The following ATL2 variants were observed in gnomAD, a reference collection of about 807,000 sequenced individuals.
ATL2 encodes the protein atlastin-2.
Under a neutral mutation model 73.9 loss-of-function variants are expected in ATL2, and 31 were observed. The observed-to-expected ratio is 0.42, with a 90% CI of 0.32 to 0.57. The LOEUF (loss-of-function observed/expected upper bound fraction) is 0.57. Among genes scored for constraint, ATL2 ranks in the 20% least tolerant of loss-of-function variants. The pLI is 0.14. For synonymous variants in ATL2, 291 were observed against 237.5 expected (o/e 1.23, Z -2.07); for missense variants, 738 against 702.6 (o/e 1.05, Z -0.57).
intron 2 of ATL2, among the ~76,000 whole-genome samples, chr2:38,338,021 C>G (rs1472613053): frequency 6.6e-6 from 1 of 152,112 alleles, no homozygotes; most frequent in Non-Finnish European, 1.5e-5. Flanking sequence ...TCCTAGATTT[C>G]AAACTACAAC....
At chr2:38,304,607 C>A (rs1001843603) in intron 9 of ATL2, among the ~76,000 whole-genome samples, 3 of 152,084 alleles carry the variant, frequency 2.0e-5, no homozygotes. Context: ...CAGACATAGA[C>A]GGTATACTAT....
At chr2:38,318,718 A>C in intron 3 of ATL2, 79 bp from the exon 4 acceptor site, 1 of 1,369,652 alleles carries the variant, frequency 7.3e-7, no homozygotes, top group Non-Finnish European at 1.0e-6. Flanking sequence ...GATAAATTTG[A>C]AAAGCAGTAA....
chr2:38,378,044 T>G (rs1672084787), upstream of ATL2, among the ~76,000 whole-genome samples: 1 of 152,234 alleles, frequency 6.6e-6, no homozygotes, highest in South Asian at 2.1e-4. Context: ...AACCTTCTTC[T>G]GGGGATCCAG....
chr2:38,300,284 C>T lies in ATL2; in HGVS notation c.1116G>A (p.Lys372=), dbSNP rs751453943. 1.9e-6 allele frequency: 3 copies of T among 1,604,338 alleles called. No homozygotes were observed. Among genetic ancestry groups the T allele is most frequent in the Non-Finnish European group, 2.6e-6 (3 of 1,171,822 alleles). The change falls in exon 10 of 13, where the codon AAG becomes AAA. Residue 372 remains lysine (K), a synonymous_variant. Coordinates refer to ENST00000378954, the MANE Select transcript of ATL2 (RefSeq NM_001135673.4). Reference sequence around the variant, plus strand: ...TCTCTCTCTCTACCTGAAGCATGGACTTTGGATGTGGAAGTTCTTCTCCTT... The same window carrying T: ...TCTCTCTCTCTACCTGAAGCATGGATTTTGGATGTGGAAGTTCTTCTCCTT... ...IYQGEELPHP[K]SMLQATAEAN... is the part of the protein sequence containing the mutation.
chr2:38,378,281 A>G (rs1045742790), upstream of ATL2, among the ~76,000 whole-genome samples: 4 of 152,216 alleles, frequency 2.6e-5, no homozygotes, highest in African/African-American at 9.6e-5. Context: ...CACTGGTGTT[A>G]TTAAAGCTTT....
upstream of ATL2, among the ~76,000 whole-genome samples, chr2:38,378,280 T>C (rs948726816): frequency 6.6e-6 from 1 of 152,218 alleles, no homozygotes. Flanking sequence ...GCACTGGTGT[T>C]ATTAAAGCTT....
intron 2 of ATL2, among the ~76,000 whole-genome samples, chr2:38,321,823 C>CTTTG (rs1558407457): frequency 6.6e-6 from 1 of 152,148 alleles, no homozygotes; most frequent in Non-Finnish European, 1.5e-5. Context: ...AAGGATCCTC[C>CTTTG]TACCTCAGCC....
At chr2:38,337,585 A>C (rs1027460284) in intron 2 of ATL2, among the ~76,000 whole-genome samples, 1 of 148,880 alleles carries the variant, frequency 6.7e-6, no homozygotes, top group South Asian at 2.1e-4. Context: ...TTATTTCTAT[A>C]TTATTGTAAT....
intron 4 of ATL2, among the ~76,000 whole-genome samples, chr2:38,316,132 GAA>G (rs1668014309): frequency 6.6e-6 from 1 of 152,196 alleles, no homozygotes; most frequent in South Asian, 2.1e-4. Flanking sequence ...GGGTGACTCC[GAA>G]GAGAGAACAA....
Position 38,313,295 on chromosome 2 carries a change from G to A in ATL2, c.712-52C>T, listed in dbSNP as rs1021313796. 1.9e-5 allele frequency: 25 copies of A among 1,346,312 alleles called. 1 individual carries two copies. In the African/African-American group the frequency reaches 2.2e-4, roughly 12 times the overall value. 83.4% of individuals were successfully genotyped at this position (1,346,312 alleles called of 1,614,324 possible). ...TTATTTTACAATAAAGAAAATTTAC[G>A]AAAAAATCACAACTCTTAACAATTG... On this transcript the variant is annotated intron_variant, in intron 6 of 12. Transcript: ENST00000378954.
rs189239700 is a variant in ATL2, at chr2:38,297,507, G to A, written c.1632+637C>T. 2.7e-3 allele frequency among the ~76,000 whole-genome samples: 418 copies of A among 152,320 alleles called. 5 individuals carry two copies. The highest frequency in any genetic ancestry group is 3.0e-3 in the Non-Finnish European group (203 of 68,036). The stretch of plus-strand genomic sequence containing the variant: ...GGCTTTCCTTAGCAGATACTTGCAG[G>A]CAAGAGTTCACAGCCTGGGGCTTTG... On this transcript the variant is annotated intron_variant, in intron 12 of 12. Coordinates refer to ENST00000378954, the MANE Select transcript of ATL2 (RefSeq NM_001135673.4).
chr2:38,370,832 T>C lies in ATL2; in HGVS notation c.118+6311A>G, dbSNP rs369614940. 1.2e-4 allele frequency among the ~76,000 whole-genome samples: 18 copies of C among 150,840 alleles called. No homozygotes were observed. In the South Asian group the frequency reaches 2.9e-3, roughly 25 times the overall value. On this transcript the variant is annotated intron_variant, in intron 1 of 12. Transcript: ENST00000378954. Reference sequence around the variant, plus strand: ...GGCCCAGCAGGGTAGTGCAAGCCTGTAGACCTAGCTACATAGTAAGCTGAA... The same window carrying C: ...GGCCCAGCAGGGTAGTGCAAGCCTGCAGACCTAGCTACATAGTAAGCTGAA...
intron 9 of ATL2, among the ~76,000 whole-genome samples, chr2:38,302,693 C>G (rs937631330): frequency 6.6e-6 from 1 of 152,062 alleles, no homozygotes; most frequent in African/African-American, 2.4e-5. Context: ...GGGAATTCTC[C>G]TGGATCTTAC....
At chr2:38,356,462 G>C (rs1036703464) in intron 1 of ATL2, among the ~76,000 whole-genome samples, 1 of 151,942 alleles carries the variant, frequency 6.6e-6, no homozygotes, top group Non-Finnish European at 1.5e-5. Context: ...CAAAGTGCTG[G>C]GATTACAGGC....
At chr2:38,348,255 T>C (rs1245305755) in intron 1 of ATL2, among the ~76,000 whole-genome samples, 10 of 151,960 alleles carry the variant, frequency 6.6e-5, no homozygotes, top group African/African-American at 2.4e-4. Flanking sequence ...TCACCTAAAG[T>C]CAGGAGTTTA....
chr2:38,377,914 T>G (rs1351084129), upstream of ATL2, among the ~76,000 whole-genome samples: 1 of 151,900 alleles, frequency 6.6e-6, no homozygotes, highest in African/African-American at 2.4e-5. Context: ...TTATGAGACC[T>G]TCCCCCATCT....
intron 1 of ATL2, among the ~76,000 whole-genome samples, chr2:38,375,030 A>G (rs1426707720): frequency 6.6e-6 from 1 of 152,240 alleles, no homozygotes; most frequent in African/African-American, 2.4e-5. Context: ...AGATTTAATC[A>G]TATCTACAGA....
chr2:38,370,614 T>G (rs1438342089), intron 1 of ATL2, among the ~76,000 whole-genome samples: 1 of 151,566 alleles, frequency 6.6e-6, no homozygotes, highest in South Asian at 2.1e-4. Context: ...TACTAAAAAA[T>G]ACAAAAATTA....
intron 2 of ATL2, among the ~76,000 whole-genome samples, chr2:38,340,218 G>C (rs1051346626): frequency 1.4e-5 from 2 of 147,730 alleles, no homozygotes; most frequent in East Asian, 4.0e-4. Context: ...ACACAAAGTG[G>C]GGGTTGTTCT....
Sources: gnomAD v4.1 joint callset for allele counts (sites outside exome capture counted in the v4.1 genomes callset) on GRCh38, gnomAD v4.1.1 for gene constraint, MANE v1.5 for transcripts, NCBI Gene and HGNC (gene_info 2026-07-23, HGNC 2026-07-21) for gene names.